Variants in DGKI observed in about 807,000 individuals in gnomAD.
DGKI encodes DAG kinase iota.
A neutral mutation model predicts 147.5 loss-of-function variants in DGKI; 55 were observed. The observed-to-expected ratio is 0.37, with a 90% confidence interval of 0.30 to 0.47. The LOEUF (loss-of-function observed/expected upper bound fraction) is 0.47, where lower values mean the gene tolerates loss of function less well. DGKI is among the 20% of genes least tolerant of loss of function. The pLI is 1.00. For synonymous variants in DGKI, 469 were observed against 477.1 expected, an observed-to-expected ratio of 0.98 and a Z score of 0.22; for missense variants, 1,007 against 1,323.8, an observed-to-expected ratio of 0.76 and a Z score of 3.71.
chr7:137,583,906 G>A (rs575065743), intron 14 of DGKI, among the ~76,000 whole-genome samples: 2 of 152,134 alleles, frequency 1.3e-5, no homozygotes, highest in East Asian at 3.9e-4. Context: ...ATATCTACTA[G>A]AAATCTACTA....
chr7:137,663,400 C>A (rs368640729), intron 3 of DGKI, among the ~76,000 whole-genome samples: 2 of 152,308 alleles, frequency 1.3e-5, no homozygotes, highest in African/African-American at 4.8e-5. Context: ...AAAGCAAATT[C>A]TTTAATTTGG....
intron 2 of DGKI, among the ~76,000 whole-genome samples, chr7:137,683,824 A>G (rs1823324764): frequency 7.1e-6 from 1 of 140,124 alleles, no homozygotes; most frequent in Non-Finnish European, 1.6e-5. Flanking sequence ...TTACATCGAT[A>G]GATCTATTCA....
In DGKI at chr7:137,821,570, G is replaced by C. The variant is rs576459560; in HGVS notation, c.401+24892C>G. ...AGCAACTTCCAGGTCACTATGGTGA[G>C]CTGGACACATACTTTTAGCCCAGCT... On this transcript the variant is annotated intron_variant, in intron 1 of 32. Coordinates refer to ENST00000614521, the MANE Select transcript of DGKI (RefSeq NM_001321708.2). Among the ~76,000 whole-genome samples, 3 of 151,904 alleles carry C rather than the reference G, an allele frequency of 2.0e-5. No homozygotes were observed. In the East Asian group the frequency reaches 5.8e-4, roughly 29 times the overall value.
At chr7:137,828,960 A>G (rs1039451286) in intron 1 of DGKI, among the ~76,000 whole-genome samples, 1 of 152,222 alleles carries the variant, frequency 6.6e-6, no homozygotes, top group African/African-American at 2.4e-5. Context: ...CTAAGTTCAT[A>G]TCCTTCATCT....
At chr7:137,479,181 C>T (rs906614910) in intron 23 of DGKI, among the ~76,000 whole-genome samples, 31 of 152,170 alleles carry the variant, frequency 2.0e-4, no homozygotes, top group Admixed American at 2.0e-3. Context: ...ATGAATGCAA[C>T]TGTCATTGCT....
At chr7:137,627,630 G>T (rs1407448883) in intron 6 of DGKI, among the ~76,000 whole-genome samples, 2 of 152,192 alleles carry the variant, frequency 1.3e-5, no homozygotes, top group Non-Finnish European at 2.9e-5. Flanking sequence ...TTAAAATGCG[G>T]CATGGATAAA....
intron 15 of DGKI, among the ~76,000 whole-genome samples, chr7:137,580,767 C>T (rs892099960): frequency 3.9e-5 from 6 of 152,098 alleles, no homozygotes; most frequent in Non-Finnish European, 8.8e-5. Context: ...CATGTTATTA[C>T]CAGAATCTGA....
intron 12 of DGKI, among the ~76,000 whole-genome samples, chr7:137,590,855 G>A (rs1210061348): frequency 1.3e-5 from 2 of 152,164 alleles, no homozygotes; most frequent in African/African-American, 4.8e-5. Flanking sequence ...ACCACACCAG[G>A]CTAATTTTTG....
chr7:137,681,962 G>C (rs958583691), intron 2 of DGKI, among the ~76,000 whole-genome samples: 1 of 152,264 alleles, frequency 6.6e-6, no homozygotes. Context: ...TGGACATCAA[G>C]GTTCGAATGA....
intron 19 of DGKI, among the ~76,000 whole-genome samples, chr7:137,555,230 T>G (rs937009036): frequency 1.3e-5 from 2 of 151,356 alleles, no homozygotes; most frequent in African/African-American, 4.8e-5. Context: ...ATTTTCTTTA[T>G]TAAAAATAAG....
Position 137,382,376 on chromosome 7 carries a change from A to C in DGKI, c.*8844T>G, listed in dbSNP as rs1301783685. On this transcript the variant is annotated 3_prime_UTR_variant, in exon 33 of 33. Transcript: ENST00000614521. ...TCAAACTTTATCAGGGACCAGAACAAGTTTGTGGACAGGCATAATGTATTA... is the reference window on the plus strand; with the variant it reads ...TCAAACTTTATCAGGGACCAGAACACGTTTGTGGACAGGCATAATGTATTA... 6.6e-6 allele frequency: 1 copy of C among 152,060 alleles called. No individual in the cohort carries two copies. Among genetic ancestry groups the C allele is most frequent in the Non-Finnish European group, 1.5e-5 (1 of 67,982 alleles). 9.4% of individuals were successfully genotyped at this position (152,060 alleles called of 1,614,324 possible). A position where few individuals can be genotyped will look rare whatever the true frequency, so the allele number is the denominator to read the frequency against.
chr7:137,710,970 A>G (rs189172145), intron 1 of DGKI, among the ~76,000 whole-genome samples: 5 of 152,186 alleles, frequency 3.3e-5, no homozygotes, highest in Non-Finnish European at 5.9e-5. Context: ...AAATATTAAC[A>G]GTAAAAAAAG....
At chr7:137,503,144 T>C (rs1816241435) in intron 21 of DGKI, among the ~76,000 whole-genome samples, 1 of 152,156 alleles carries the variant, frequency 6.6e-6, no homozygotes, top group African/African-American at 2.4e-5. Flanking sequence ...TTATAGACCA[T>C]GACTCAAGCT....
intron 1 of DGKI, among the ~76,000 whole-genome samples, chr7:137,735,987 A>G (rs1400708996): frequency 5.3e-5 from 8 of 152,100 alleles, no homozygotes; most frequent in Admixed American, 5.2e-4. Context: ...AGTGGCTGAA[A>G]ATGACAGTAG....
At chr7:137,841,153 T>C (rs979071665) in intron 1 of DGKI, among the ~76,000 whole-genome samples, 1 of 152,198 alleles carries the variant, frequency 6.6e-6, no homozygotes, top group African/African-American at 2.4e-5. Flanking sequence ...ACAAAGCTAT[T>C]TGAAAGAACA....
At chr7:137,681,644 A>T (rs537577778) in intron 2 of DGKI, among the ~76,000 whole-genome samples, 33 of 152,258 alleles carry the variant, frequency 2.2e-4, no homozygotes, top group African/African-American at 8.0e-4. Flanking sequence ...AGAAGATGGA[A>T]CTAGATGCAT....
intron 32 of DGKI, among the ~76,000 whole-genome samples, 194 bp downstream of exon 32, chr7:137,395,404 C>A (rs781434801): frequency 1.3e-5 from 2 of 152,222 alleles, no homozygotes; most frequent in Non-Finnish European, 2.9e-5. Context: ...GGCAAGCACA[C>A]GCCCTCCCTT....
chr7:137,541,248 T>C (rs1273503088), intron 20 of DGKI, among the ~76,000 whole-genome samples: 1 of 152,232 alleles, frequency 6.6e-6, no homozygotes, highest in African/African-American at 2.4e-5. Context: ...TGTGTGCGTA[T>C]ACGTGTGTGC....
chr7:137,541,915 A>G (rs1414982642), intron 20 of DGKI, among the ~76,000 whole-genome samples: 1 of 152,196 alleles, frequency 6.6e-6, no homozygotes, highest in Non-Finnish European at 1.5e-5. Context: ...GGATTCTGTC[A>G]AAAGGTTTCA....
Sources: allele counts gnomAD v4.1 joint callset (sites outside exome capture counted in the v4.1 genomes callset), GRCh38; gene constraint gnomAD v4.1.1; transcripts MANE v1.5; gene names NCBI Gene and HGNC (gene_info 2026-07-23, HGNC 2026-07-21).